Variants in ZNF609 observed in about 807,000 individuals in gnomAD.
ZNF609 encodes zinc finger protein 609.
In ZNF609, 11 loss-of-function variants were observed where a neutral mutation model predicts 109.5. The ratio of observed to expected loss-of-function variants is 0.10; its 90% CI spans 0.06 to 0.17. The LOEUF is 0.17. ZNF609 is among the 10% of genes least tolerant of loss of function. ZNF609 has a pLI of 1.00. For missense variants in ZNF609, 1,559 were observed against 1,772.4 expected (o/e 0.88, Z 2.16); for synonymous variants, 646 against 662.0 (o/e 0.98, Z 0.37).
Position 64,665,948 on chromosome 15 carries a change from TAAAC to T in ZNF609, c.974-4394_974-4391del, listed in dbSNP as rs796627278. The stretch of plus-strand genomic sequence containing the variant: ...ATTAAAAATTAAATTAAAAAATAAA[TAAAC>T]AAATGCCAGCTACTCAGGAGGCTGA... On this transcript the variant is annotated intron_variant, in intron 3 of 9. Transcript: ENST00000326648. Among the ~76,000 whole-genome samples, 35 of 146,322 alleles carry T rather than the reference TAAAC, an allele frequency of 2.4e-4. No individual in the cohort carries two copies. The East Asian group carries it at 5.2e-3, about 22-fold the overall frequency.
At chr15:64,579,742 T>C (rs1895065774) in intron 2 of ZNF609, among the ~76,000 whole-genome samples, 1 of 152,150 alleles carries the variant, frequency 6.6e-6, no homozygotes, top group Non-Finnish European at 1.5e-5. Context: ...TGTATAGCTC[T>C]GTTCCCTTCT....
chr15:64,591,257 G>A (rs1276196974), intron 2 of ZNF609, among the ~76,000 whole-genome samples: 3 of 152,026 alleles, frequency 2.0e-5, no homozygotes, highest in Admixed American at 6.6e-5. Flanking sequence ...GTGAAACCCC[G>A]TATCTACTAA....
rs533026371 is a variant in ZNF609 at position 64,492,198 on chromosome 15, A to C, written c.-127-7095A>C. Among the ~76,000 whole-genome samples the C allele has an allele frequency of 4.0e-5, 6 of 151,248 alleles. No individual in the cohort carries two copies. The South Asian group carries it at 1.1e-3, about 26-fold the overall frequency. ...GTGGAGGTTGCAGTGAGCCGAGATC[A>C]CGCCACTGCACTCCAGCCTGGGTGA... On this transcript the variant is annotated intron_variant, in intron 1 of 9. Coordinates refer to ENST00000326648, the MANE Select transcript of ZNF609 (RefSeq NM_015042.2).
chr15:64,593,299 C>G lies in ZNF609; in HGVS notation c.748-29528C>G. On this transcript the variant is annotated intron_variant, in intron 2 of 9. Transcript: ENST00000326648. ...CCCGATTTAGACCTGCGGGTGCTGC[C>G]CCACGTCCCCCACCAAAGCCCATGT... 4.2e-6 allele frequency: 6 copies of G among 1,416,594 alleles called. No individual in the cohort carries two copies. In the South Asian group the frequency reaches 6.9e-5, roughly 16 times the overall value. The allele number at this position is 1,416,594 out of a possible 1,614,324, so 87.8% of individuals were successfully genotyped here.
At chr15:64,556,427 C>T (rs2140398751) in intron 2 of ZNF609, among the ~76,000 whole-genome samples, 4 of 152,252 alleles carry the variant, frequency 2.6e-5, no homozygotes, top group African/African-American at 9.6e-5. Flanking sequence ...ACCACTGCTC[C>T]TGGCCAGCAC....
chr15:64,646,341 A>G (rs1299292654), intron 3 of ZNF609, among the ~76,000 whole-genome samples: 1 of 152,056 alleles, frequency 6.6e-6, no homozygotes, highest in Non-Finnish European at 1.5e-5. Flanking sequence ...AAAAAAATAC[A>G]AAATGGCGGC....
chr15:64,558,883 T>C lies in ZNF609; in HGVS notation c.747+58717T>C, dbSNP rs192562195. ...TGTATAGCTTTGAAACTCTAAAATATTTCCTTTTTTTTTTTTTAGTTGCCA... is the reference window on the plus strand; with the variant it reads ...TGTATAGCTTTGAAACTCTAAAATACTTCCTTTTTTTTTTTTTAGTTGCCA... On this transcript the variant is annotated intron_variant, in intron 2 of 9. Coordinates refer to ENST00000326648, the MANE Select transcript of ZNF609 (RefSeq NM_015042.2). Among the ~76,000 whole-genome samples the C allele has an allele frequency of 1.4e-4, 22 of 152,234 alleles. No homozygotes were observed. In the East Asian group the frequency reaches 3.9e-3, roughly 27 times the overall value.
intron 2 of ZNF609, among the ~76,000 whole-genome samples, chr15:64,586,257 C>G (rs1234448435): frequency 1.3e-5 from 2 of 150,182 alleles, no homozygotes; most frequent in Admixed American, 1.3e-4. Flanking sequence ...ACCCGGGAGG[C>G]AGAGGTTGCG....
At chr15:64,656,818 C>T (rs1896495506) in intron 3 of ZNF609, among the ~76,000 whole-genome samples, 1 of 151,782 alleles carries the variant, frequency 6.6e-6, no homozygotes, top group Admixed American at 6.6e-5. Context: ...TTAGATCCAG[C>T]ATCCCAACTA....
At chr15:64,630,369 G>A (rs1210786671) in intron 3 of ZNF609, among the ~76,000 whole-genome samples, 2 of 151,644 alleles carry the variant, frequency 1.3e-5, no homozygotes, top group African/African-American at 2.4e-5. Flanking sequence ...ACCATGCCCA[G>A]TACCATCCTC....
chr15:64,572,997 T>C (rs531799533), intron 2 of ZNF609, among the ~76,000 whole-genome samples: 1 of 152,326 alleles, frequency 6.6e-6, no homozygotes, highest in Admixed American at 6.5e-5. Context: ...GACCTAGATT[T>C]TGGCCTCCTC....
rs1325590391 is a variant in ZNF609 at position 64,674,079 on chromosome 15, G to A, written c.1225G>A (p.Gly409Ser). ...AACCCGGGCAGGAGCCAATAGCAAA[G>A]GCCGTCGGGGCAGCCAGAATTCTTC... ...SKTRAGANSK[G>S]RRGSQNSSEH... Residue 409 changes from glycine to serine, a missense_variant, in exon 5 of 10, where the codon GGC (glycine) becomes AGC (serine). This residue lies in a region of ZNF609 where 1,204 missense variants were observed against 1,314.1 expected (regional missense o/e 0.92). Transcript: ENST00000326648. The A allele has an allele frequency of 6.2e-7, 1 of 1,614,192 alleles. No individual in the cohort carries two copies. The highest frequency in any genetic ancestry group is 1.1e-5 in the South Asian group (1 of 91,078).
At chr15:64,462,232 A>G (rs1260610119) in intron 1 of ZNF609, among the ~76,000 whole-genome samples, 1 of 152,128 alleles carries the variant, frequency 6.6e-6, no homozygotes, top group Non-Finnish European at 1.5e-5. Flanking sequence ...CATTTTTCAG[A>G]AGAATAAGGG....
chr15:64,581,223 T>G (rs1161026237), intron 2 of ZNF609, among the ~76,000 whole-genome samples: 1 of 152,042 alleles, frequency 6.6e-6, no homozygotes, highest in Non-Finnish European at 1.5e-5. Context: ...AGCTTCAAGG[T>G]CAACCGGAGG....
At chr15:64,681,627 G>A (rs1398431969) in intron 9 of ZNF609, 65 bp from the exon 10 acceptor site, 3 of 389,666 alleles carry the variant, frequency 7.7e-6, no homozygotes, top group Non-Finnish European at 1.4e-5. Flanking sequence ...TTCTTGGAGT[G>A]CCACCTTGTG....
chr15:64,541,426 C>CAAAAA (rs34461479), intron 2 of ZNF609, among the ~76,000 whole-genome samples: 3 of 67,808 alleles, frequency 4.4e-5, no homozygotes, highest in Non-Finnish European at 9.6e-5. Context: ...GACTCCGTCT[C>CAAAAA]AAAAAAAAAA....
At chr15:64,578,449 C>T (rs896414923) in intron 2 of ZNF609, among the ~76,000 whole-genome samples, 2 of 152,002 alleles carry the variant, frequency 1.3e-5, no homozygotes, top group East Asian at 1.9e-4. Flanking sequence ...AATCCCAGCA[C>T]CTTGGGAGGC....
intron 1 of ZNF609, among the ~76,000 whole-genome samples, chr15:64,485,597 G>A (rs1337313607): frequency 6.6e-6 from 1 of 152,100 alleles, no homozygotes; most frequent in Non-Finnish European, 1.5e-5. Context: ...AAGCCCAAAA[G>A]TTCAAGACCA....
At chr15:64,467,661 A>G (rs948386747) in intron 1 of ZNF609, among the ~76,000 whole-genome samples, 2 of 152,214 alleles carry the variant, frequency 1.3e-5, no homozygotes, top group African/African-American at 2.4e-5. Context: ...CCTGGCCAAC[A>G]TGGTGAAATC....
Sources: allele counts gnomAD v4.1 joint callset (sites outside exome capture counted in the v4.1 genomes callset), GRCh38; gene constraint gnomAD v4.1.1; regional missense constraint gnomAD v4.1.1; transcripts MANE v1.5; gene names NCBI Gene and HGNC (gene_info 2026-07-23, HGNC 2026-07-21).